RMST: variants seen among roughly 807,000 people sequenced by gnomAD.
RMST encodes rhabdomyosarcoma 2 associated transcript.
chr12:97,558,346 C>T (rs1054836144), intron 11 of RMST, among the ~76,000 whole-genome samples: 2 of 152,106 alleles, frequency 1.3e-5, no homozygotes, highest in Admixed American at 6.6e-5. Flanking sequence ...ACTTAAAAGA[C>T]GAACACAGGT....
intron 11 of RMST, among the ~76,000 whole-genome samples, chr12:97,545,413 A>G (rs1000087482): frequency 6.6e-6 from 1 of 152,120 alleles, no homozygotes; most frequent in Non-Finnish European, 1.5e-5. Context: ...GTCCTTCACA[A>G]TGATAAATAA....
At chr12:97,543,283 C>T (rs17027150) in intron 11 of RMST, among the ~76,000 whole-genome samples, 5,967 of 152,032 alleles carry the variant, frequency 0.039, 244 homozygotes, top group East Asian at 0.17. Flanking sequence ...CAAAAACAGT[C>T]GAATGTGGGG....
intron 11 of RMST, among the ~76,000 whole-genome samples, chr12:97,535,959 A>T (rs1882043544): frequency 6.6e-6 from 1 of 151,618 alleles, no homozygotes; most frequent in African/African-American, 2.4e-5. Flanking sequence ...TAGGCTTTTT[A>T]AAAAATTGTC....
chr12:97,524,373 A>G (rs1439977819), intron 10 of RMST, among the ~76,000 whole-genome samples: 1 of 152,172 alleles, frequency 6.6e-6, no homozygotes. Flanking sequence ...CAATTGCTGT[A>G]TAGACCTATG....
intron 10 of RMST, among the ~76,000 whole-genome samples, chr12:97,513,216 A>C: frequency 6.6e-6 from 1 of 152,192 alleles, no homozygotes; most frequent in Non-Finnish European, 1.5e-5. Flanking sequence ...AGGGCTCCTC[A>C]AGTGCCACCA....
At chr12:97,490,646 A>C (rs1041038574) in intron 5 of RMST, among the ~76,000 whole-genome samples, 1 of 152,214 alleles carries the variant, frequency 6.6e-6, no homozygotes, top group Non-Finnish European at 1.5e-5. Context: ...CAACAATTTT[A>C]TATTTATATT....
intron 11 of RMST, among the ~76,000 whole-genome samples, chr12:97,540,903 G>A (rs1882440480): frequency 6.6e-6 from 1 of 150,884 alleles, no homozygotes; most frequent in African/African-American, 2.4e-5. Context: ...CACTGTGAGT[G>A]TATCCATAGA....
chr12:97,504,745 T>C (rs1345388896), intron 10 of RMST, among the ~76,000 whole-genome samples: 1 of 152,234 alleles, frequency 6.6e-6, no homozygotes, highest in Non-Finnish European at 1.5e-5. Context: ...TTTAAATATT[T>C]GTTTTCACTA....
chr12:97,498,267 T>G (rs17027085), intron 10 of RMST, among the ~76,000 whole-genome samples: 2 of 152,202 alleles, frequency 1.3e-5, no homozygotes, highest in Non-Finnish European at 1.5e-5. Context: ...TATGTATGAA[T>G]GTGGGTGATA....
At chr12:97,563,898 A>T (rs777826602) in intron 13 of RMST, 1 of 509,566 alleles carries the variant, frequency 2.0e-6, no homozygotes, top group African/African-American at 1.9e-5. Context: ...CATGAAATAC[A>T]TTGTGAAAAA....
intron 5 of RMST, among the ~76,000 whole-genome samples, chr12:97,481,047 C>T (rs1309304122): frequency 1.3e-5 from 2 of 152,146 alleles, no homozygotes; most frequent in Non-Finnish European, 2.9e-5. Flanking sequence ...TTCAGACTTC[C>T]TTGAATAAGA....
chr12:97,479,013 C>G (rs1159626713), intron 5 of RMST, among the ~76,000 whole-genome samples: 1 of 151,990 alleles, frequency 6.6e-6, no homozygotes, highest in African/African-American at 2.4e-5. Context: ...TTTCTTTTGT[C>G]CCAAATGCCC....
chr12:97,534,140 T>C (rs113267851), intron 11 of RMST, among the ~76,000 whole-genome samples: 29 of 151,928 alleles, frequency 1.9e-4, no homozygotes, highest in African/African-American at 7.0e-4. Flanking sequence ...CCATAAATTG[T>C]AAACAAATAC....
At chr12:97,542,226 G>C (rs1476269659) in intron 11 of RMST, among the ~76,000 whole-genome samples, 1 of 151,786 alleles carries the variant, frequency 6.6e-6, no homozygotes, top group African/African-American at 2.4e-5. Context: ...AGATTGATAT[G>C]AGAATTATGA....
chr12:97,560,877 C>T (rs1442583511), exon 13 of RMST: 7 of 152,238 alleles, frequency 4.6e-5, no homozygotes, highest in South Asian at 2.1e-4. Context: ...AAAGAATGCA[C>T]TCGGAGCCCC....
chr12:97,500,574 A>G (rs1877976261), intron 10 of RMST, among the ~76,000 whole-genome samples: 1 of 152,240 alleles, frequency 6.6e-6, no homozygotes, highest in South Asian at 2.1e-4. Context: ...CACTGGAATT[A>G]TTACATCCAC....
intron 13 of RMST, chr12:97,563,509 T>C (rs1309248482): frequency 3.4e-6 from 1 of 290,566 alleles, no homozygotes; most frequent in East Asian, 1.1e-4. Context: ...TCTTTCCGTA[T>C]GTGTTTCCAA....
At chr12:97,482,813 T>G (rs1875576010) in intron 5 of RMST, among the ~76,000 whole-genome samples, 1 of 146,390 alleles carries the variant, frequency 6.8e-6, no homozygotes, top group East Asian at 2.0e-4. Context: ...TTAAATAAAT[T>G]TATATTATTT....
intron 4 of RMST, among the ~76,000 whole-genome samples, chr12:97,464,396 G>A (rs1872934628): frequency 6.6e-6 from 1 of 152,168 alleles, no homozygotes; most frequent in South Asian, 2.1e-4. Flanking sequence ...TTTATCCCCA[G>A]GTCCCCATTT....
Sources: allele counts gnomAD v4.1 joint callset (sites outside exome capture counted in the v4.1 genomes callset), GRCh38; gene constraint gnomAD v4.1.1; transcripts MANE v1.5; gene names NCBI Gene and HGNC (gene_info 2026-07-23, HGNC 2026-07-21).